The following APBB2 variants were observed in gnomAD, a reference collection of about 807,000 sequenced individuals.
APBB2 encodes Fe65-like 1.
APBB2 carries 38 observed loss-of-function variants against 82.5 expected under a neutral mutation model. The ratio of observed to expected loss-of-function variants is 0.46; its 90% CI spans 0.36 to 0.60. The LOEUF (loss-of-function observed/expected upper bound fraction) is 0.60, where lower values mean the gene tolerates loss of function less well. Among genes scored for constraint, APBB2 ranks in the 20% least tolerant of loss-of-function variants. The probability of loss-of-function intolerance (pLI) is 0.00; values close to 1 mark genes in which losing one functional copy is unlikely to be tolerated. For synonymous variants in APBB2, 341 were observed against 368.2 expected (o/e 0.93, Z 0.85); for missense variants, 772 against 972.3 (o/e 0.79, Z 2.74).
chr4:41,128,198 A>C (rs569132857), intron 2 of APBB2, among the ~76,000 whole-genome samples: 2 of 152,362 alleles, frequency 1.3e-5, no homozygotes, highest in Admixed American at 6.5e-5. Flanking sequence ...AGAGAAATGC[A>C]ATTCAAAACC....
chr4:41,121,512 A>G (rs200745603), intron 2 of APBB2, among the ~76,000 whole-genome samples: 1 of 152,182 alleles, frequency 6.6e-6, no homozygotes, highest in Non-Finnish European at 1.5e-5. Flanking sequence ...TGGTGGTGGG[A>G]GTGAGGGAAA....
intron 6 of APBB2, among the ~76,000 whole-genome samples, chr4:40,963,564 T>C (rs1015312538): frequency 6.6e-6 from 1 of 152,180 alleles, no homozygotes; most frequent in Non-Finnish European, 1.5e-5. Context: ...ACTTTTTCTA[T>C]GAAAGGAATT....
chr4:40,992,369 G>GT (rs1553899675), intron 6 of APBB2, among the ~76,000 whole-genome samples: 2 of 118,606 alleles, frequency 1.7e-5, no homozygotes, highest in African/African-American at 2.7e-5. Flanking sequence ...GATGGGGGGG[G>GT]GTCTTTCTAT....
chr4:40,909,025 C>A (rs940174540), intron 10 of APBB2, among the ~76,000 whole-genome samples: 9 of 152,220 alleles, frequency 5.9e-5, no homozygotes, highest in African/African-American at 1.7e-4. Context: ...GTGTAGCACT[C>A]TTAGGTCCAG....
At chr4:41,135,169 CAA>C (rs5857778) in intron 2 of APBB2, among the ~76,000 whole-genome samples, 2,131 of 99,570 alleles carry the variant, frequency 0.021, 43 homozygotes, top group African/African-American at 0.071. Context: ...CTTGAGCCCT[CAA>C]AAAAAAAAAA....
intron 6 of APBB2, among the ~76,000 whole-genome samples, chr4:40,945,378 C>A (rs1043104944): frequency 6.6e-6 from 1 of 152,094 alleles, no homozygotes; most frequent in African/African-American, 2.4e-5. Context: ...AGCTCCAAAC[C>A]AGAATCAATT....
At chr4:41,012,721 TG>T (rs2154428758) in intron 6 of APBB2, among the ~76,000 whole-genome samples, 1 of 152,344 alleles carries the variant, frequency 6.6e-6, no homozygotes, top group African/African-American at 2.4e-5. Context: ...AACACAGCCC[TG>T]GGACCCACTA....
rs150619828 is a variant in APBB2, at chr4:41,120,624, G to A, written c.-260-19874C>T. Among the ~76,000 whole-genome samples, 973 of 152,280 alleles carry A rather than the reference G, an allele frequency of 6.4e-3. 14 individuals carry two copies. The highest frequency in any genetic ancestry group is 0.022 in the African/African-American group (909 of 41,552). Reference sequence around the variant, plus strand: ...CCCTGAGCCAGCCCTCCAATTTGGGGCCAAGATTGTTGAGAAAATGTGCCA... The same window carrying A: ...CCCTGAGCCAGCCCTCCAATTTGGGACCAAGATTGTTGAGAAAATGTGCCA... On this transcript the variant is annotated intron_variant, in intron 2 of 17. Coordinates refer to ENST00000508593, the MANE Select transcript of APBB2 (RefSeq NM_004307.2).
intron 1 of APBB2, among the ~76,000 whole-genome samples, chr4:41,145,427 C>G (rs985289206): frequency 3.9e-5 from 6 of 152,302 alleles, no homozygotes; most frequent in African/African-American, 1.4e-4. Flanking sequence ...TCAGCATGAA[C>G]TCTTGGAAAT....
At chr4:41,132,041 A>AAAATAAATAAATAAATAAAT (rs139179556) in intron 2 of APBB2, among the ~76,000 whole-genome samples, 70 of 147,824 alleles carry the variant, frequency 4.7e-4, no homozygotes, top group African/African-American at 6.2e-4. Flanking sequence ...CTCTGTCTCA[A>AAAATAAATAAATAAATAAAT]AAATAAATAA....
intron 6 of APBB2, among the ~76,000 whole-genome samples, chr4:40,995,349 G>A (rs1803339403): frequency 1.3e-5 from 2 of 151,988 alleles, no homozygotes; most frequent in South Asian, 2.1e-4. Flanking sequence ...TATTTCTCGA[G>A]AAGTTGATTA....
At chr4:41,043,010 G>A (rs538826745) in intron 4 of APBB2, among the ~76,000 whole-genome samples, 47 of 152,240 alleles carry the variant, frequency 3.1e-4, no homozygotes, top group Non-Finnish European at 5.0e-4. Context: ...AGGATCCTGC[G>A]GGGGGAATCT....
At chr4:41,005,155 A>C (rs1334137577) in intron 6 of APBB2, among the ~76,000 whole-genome samples, 1 of 151,712 alleles carries the variant, frequency 6.6e-6, no homozygotes, top group Non-Finnish European at 1.5e-5. Flanking sequence ...GCAGTGGGCC[A>C]ATCTCAGCTC....
chr4:40,942,373 G>A (rs1787237157), intron 7 of APBB2, among the ~76,000 whole-genome samples: 1 of 152,190 alleles, frequency 6.6e-6, no homozygotes, highest in Non-Finnish European at 1.5e-5. Flanking sequence ...GAGAGGAATG[G>A]AACTGATAGA....
chr4:41,169,183 CAAAAAAAAAAA>C (rs60032221), intron 1 of APBB2, among the ~76,000 whole-genome samples: 13 of 60,726 alleles, frequency 2.1e-4, no homozygotes, highest in African/African-American at 5.1e-4. Flanking sequence ...CACTCCGTCT[CAAAAAAAAAAA>C]AAAAAAAAAA....
At chr4:41,141,242 T>C (rs1281564682) in intron 2 of APBB2, among the ~76,000 whole-genome samples, 2 of 152,126 alleles carry the variant, frequency 1.3e-5, no homozygotes, top group Non-Finnish European at 2.9e-5. Context: ...ACTAGCTAAG[T>C]TGCCAAGAAA....
intron 17 of APBB2, among the ~76,000 whole-genome samples, chr4:40,817,852 G>A (rs892313797): frequency 1.1e-4 from 16 of 152,030 alleles, no homozygotes; most frequent in African/African-American, 3.4e-4. Context: ...TTGATTACAC[G>A]TCTCCTCTGT....
At chr4:41,090,842 G>A (rs1741435266) in intron 3 of APBB2, among the ~76,000 whole-genome samples, 1 of 152,120 alleles carries the variant, frequency 6.6e-6, no homozygotes, top group African/African-American at 2.4e-5. Context: ...GACCACAGTG[G>A]GGAAGAAGGC....
rs71915197 is a variant in APBB2 at position 41,033,584 on chromosome 4, TCACACA to T, written c.-50-286_-50-281del. ...CTCAAGTTTCCAATGCTTTTTCTCA[TCACACA>T]CACACACACACACACACACACACAC... On this transcript the variant is annotated intron_variant, in intron 4 of 17. Coordinates refer to ENST00000508593, the MANE Select transcript of APBB2 (RefSeq NM_004307.2). Among the ~76,000 whole-genome samples, 510 of 130,738 alleles carry T rather than the reference TCACACA, an allele frequency of 3.9e-3. 1 individual carries two copies. The highest frequency in any genetic ancestry group is 0.011 in the African/African-American group (355 of 33,692). The allele number at this position is 130,738 out of a possible 152,430, so 85.8% of individuals were successfully genotyped here.
Sources: gnomAD v4.1 joint callset for allele counts (sites outside exome capture counted in the v4.1 genomes callset) on GRCh38, gnomAD v4.1.1 for gene constraint, MANE v1.5 for transcripts, NCBI Gene and HGNC (gene_info 2026-07-23, HGNC 2026-07-21) for gene names.